Variants in SMYD5 observed in about 807,000 individuals in gnomAD.
The protein encoded by SMYD5 is SMYD family member 5, also known as protein-lysine N-trimethyltransferase SMYD5.
A neutral mutation model predicts 57.4 loss-of-function variants in SMYD5; 35 were observed. The observed-to-expected ratio is 0.61, with a 90% CI of 0.47 to 0.81. The LOEUF (loss-of-function observed/expected upper bound fraction) is 0.81. Among genes scored for constraint, SMYD5 ranks in the 30% least tolerant of loss-of-function variants. The probability of loss-of-function intolerance (pLI) is 0.00; values close to 1 mark genes in which losing one functional copy is unlikely to be tolerated. For missense variants in SMYD5, 471 were observed against 527.9 expected, an observed-to-expected ratio of 0.89 and a Z score of 1.06; for synonymous variants, 198 against 189.7, an observed-to-expected ratio of 1.04 and a Z score of -0.36.
chr2:73,220,188 CA>C lies in SMYD5; in HGVS notation c.345del (p.Val116Ter). 1 of 1,613,990 alleles carries C rather than the reference CA, an allele frequency of 6.2e-7. No individual in the cohort carries two copies. The highest frequency in any genetic ancestry group is 8.5e-7 in the Non-Finnish European group (1 of 1,179,906). On this transcript the variant is annotated frameshift_variant and splice_region_variant, in exon 3 of 13. Coordinates refer to ENST00000389501, the MANE Select transcript of SMYD5 (RefSeq NM_006062.3). LOFTEE classifies it high-confidence loss of function. ...KDLHQNCPHC[Q>X]VMYCSAECRL... ...CCTCCACCAGAACTGTCCCCATTGC[CA>C]AGTGAGTATTCTTGGGGAGTGTACC... is the stretch of plus-strand genomic sequence containing the variant.
rs62149563 is a variant in SMYD5, at chr2:73,223,944, C to A, written c.884-3C>A. 3 of 1,613,684 alleles carry A rather than the reference C, an allele frequency of 1.9e-6. No homozygotes were observed. Among genetic ancestry groups the A allele is most frequent in the Non-Finnish European group, 2.5e-6 (3 of 1,179,582 alleles). ...ATAATGTGTGTGTATTACTGTCTTA[C>A]AGCAACTGGAGAGTTTCTTAACTGT... is the stretch of plus-strand genomic sequence containing the variant. On this transcript the variant is annotated splice_polypyrimidine_tract_variant and splice_region_variant and intron_variant, in intron 9 of 12. Transcript: ENST00000389501.
intron 8 of SMYD5, 144 bp downstream of exon 8, chr2:73,223,250 G>A (rs947692727): frequency 7.1e-6 from 6 of 848,490 alleles, no homozygotes; most frequent in South Asian, 4.4e-5. Context: ...GAATCAGAAT[G>A]AGGCATTGGA....
At position 73,225,517 on chromosome 2, in the gene SMYD5, G is replaced by A. The variant is rs3764991; in HGVS notation, c.1036-114G>A. The A allele has an allele frequency of 1.1e-4, 102 of 970,104 alleles. 1 individual carries two copies. The East Asian group carries it at 2.3e-3, about 22-fold the overall frequency. The allele number at this position is 970,104 out of a possible 1,614,324, so 60.1% of individuals were successfully genotyped here. The stretch of plus-strand genomic sequence containing the variant: ...GCCAGCCCCTTCACTGAAGGGCAAC[G>A]CAAACTTGGCTCCTAGAGATGGGGC... On this transcript the variant is annotated intron_variant, in intron 11 of 12. Transcript: ENST00000389501.
Position 73,218,989 on chromosome 2 carries a change from T to G in SMYD5, c.205+20T>G, listed in dbSNP as rs1456545395. The G allele has an allele frequency of 2.6e-6, 4 of 1,543,970 alleles. No individual in the cohort carries two copies. In the East Asian group the frequency reaches 9.0e-5, roughly 35 times the overall value. On this transcript the variant is annotated intron_variant, in intron 2 of 12. Coordinates refer to ENST00000389501, the MANE Select transcript of SMYD5 (RefSeq NM_006062.3). ...ACCGAGGTGAGTACATCTCTCCTAC[T>G]CCTCATGGCCCAGTCGTCTTTGTGC...
chr2:73,214,773 A>G, intron 1 of SMYD5: 1 of 1,315,052 alleles, frequency 7.6e-7, no homozygotes, highest in Non-Finnish European at 1.0e-6. Context: ...GAGAGAGGCC[A>G]AGATCCTTCA....
rs1008210406 is a variant in SMYD5 at position 73,226,268 on chromosome 2, G to A, written c.*322G>A. 1.5e-5 allele frequency: 5 copies of A among 337,738 alleles called. No individual in the cohort carries two copies. The highest frequency in any genetic ancestry group is 4.4e-5 in the Admixed American group (1 of 22,672). The allele number at this position is 337,738 out of a possible 1,614,324, so 20.9% of individuals were successfully genotyped here. A position where few individuals can be genotyped will look rare whatever the true frequency, so the allele number is the denominator to read the frequency against. ...GGGCCTAACAGTGTTTCTTCCCCTCGGCCCCACGGCCCATACTCACCCCTT... is the reference window on the plus strand; with the variant it reads ...GGGCCTAACAGTGTTTCTTCCCCTCAGCCCCACGGCCCATACTCACCCCTT... On this transcript the variant is annotated 3_prime_UTR_variant, in exon 13 of 13. Coordinates refer to ENST00000389501, the MANE Select transcript of SMYD5 (RefSeq NM_006062.3).
chr2:73,226,141 T>C lies in SMYD5; in HGVS notation c.*195T>C, dbSNP rs1052751593. 6.8e-6 allele frequency: 5 copies of C among 730,034 alleles called. No individual in the cohort carries two copies. The highest frequency in any genetic ancestry group is 8.7e-6 in the Non-Finnish European group (4 of 458,630). 45.2% of individuals were successfully genotyped at this position (730,034 alleles called of 1,614,324 possible). On this transcript the variant is annotated 3_prime_UTR_variant, in exon 13 of 13. Coordinates refer to ENST00000389501, the MANE Select transcript of SMYD5 (RefSeq NM_006062.3). ...CCAGACCTCATGCCCTGGACACTGCTGCTGAGTTGGCTCAGACTCTGCACT... is the reference window on the plus strand; with the variant it reads ...CCAGACCTCATGCCCTGGACACTGCCGCTGAGTTGGCTCAGACTCTGCACT...
intron 1 of SMYD5, chr2:73,214,630 CG>C: frequency 1.3e-6 from 2 of 1,501,032 alleles, no homozygotes; most frequent in Non-Finnish European, 1.8e-6. Context: ...TGTGGCTGCT[CG>C]GGGCGGGGCT....
chr2:73,225,343 C>G (rs1288920917), intron 11 of SMYD5: 1 of 536,190 alleles, frequency 1.9e-6, no homozygotes, highest in African/African-American at 1.9e-5. Context: ...TAGCATCATA[C>G]CAAGACCTCT....
chr2:73,221,326 A>AG, intron 5 of SMYD5, 92 bp downstream of exon 5: 1 of 1,036,202 alleles, frequency 9.7e-7, no homozygotes, highest in Middle Eastern at 2.7e-4. Context: ...CCTAGCTTGG[A>AG]TGCAGAGTTC....
intron 5 of SMYD5, 25 bp from the exon 6 acceptor site, chr2:73,221,801 C>T (rs774527174): frequency 6.5e-7 from 1 of 1,544,494 alleles, no homozygotes; most frequent in Non-Finnish European, 9.0e-7. Flanking sequence ...TATCTGTGAC[C>T]CTTAAGTATG....
In SMYD5 at chr2:73,217,804, C is replaced by T. The variant is rs917671295; in HGVS notation, c.97-1057C>T. On this transcript the variant is annotated intron_variant, in intron 1 of 12. Coordinates refer to ENST00000389501, the MANE Select transcript of SMYD5 (RefSeq NM_006062.3). The stretch of plus-strand genomic sequence containing the variant: ...AGCTCAGTGTTGACAGGGCTCCACA[C>T]GTCTTCTTTGAGTAGTGGGAGTATG... Among the ~76,000 whole-genome samples, 8 of 152,296 alleles carry T rather than the reference C, an allele frequency of 5.3e-5. No individual in the cohort carries two copies. The South Asian group carries it at 1.0e-3, about 20-fold the overall frequency.
At chr2:73,225,063 T>C in intron 11 of SMYD5, 103 bp downstream of exon 11, 1 of 807,542 alleles carries the variant, frequency 1.2e-6, no homozygotes, top group Non-Finnish European at 2.0e-6. Context: ...AAGTTCAGGC[T>C]GTTGGGTGGA....
At chr2:73,218,072 G>T (rs1686320969) in intron 1 of SMYD5, among the ~76,000 whole-genome samples, 1 of 152,242 alleles carries the variant, frequency 6.6e-6, no homozygotes, top group African/African-American at 2.4e-5. Flanking sequence ...TTCTGACAGA[G>T]TCCTAGGTGA....
At chr2:73,225,049 C>A in intron 11 of SMYD5, 89 bp downstream of exon 11, 2 of 950,272 alleles carry the variant, frequency 2.1e-6, no homozygotes, top group East Asian at 2.5e-5. Context: ...GCTAGAGCAC[C>A]TTGAAGTTCA....
chr2:73,214,716 G>C (rs774280425), intron 1 of SMYD5: 2 of 1,358,208 alleles, frequency 1.5e-6, no homozygotes, highest in Admixed American at 4.4e-5. Flanking sequence ...GTGTAAAAGA[G>C]GGAGTCCTCA....
intron 1 of SMYD5, among the ~76,000 whole-genome samples, chr2:73,215,428 C>T (rs1439264789): frequency 6.6e-6 from 1 of 152,160 alleles, no homozygotes. Context: ...AGTTTTCCAG[C>T]TCAACCTTCC....
chr2:73,214,549 G>C lies in SMYD5; in HGVS notation c.96+187G>C. Reference sequence around the variant, plus strand: ...AGGCTCGTGGCGCGGTCACGCGATAGACCCGGGCCTCCGGAGTCTCCGTGC... The same window carrying C: ...AGGCTCGTGGCGCGGTCACGCGATACACCCGGGCCTCCGGAGTCTCCGTGC... On this transcript the variant is annotated intron_variant, in intron 1 of 12. Coordinates refer to ENST00000389501, the MANE Select transcript of SMYD5 (RefSeq NM_006062.3). The C allele has an allele frequency of 2.7e-6, 4 of 1,484,214 alleles. No individual in the cohort carries two copies. The Admixed American group carries it at 6.8e-5, about 25-fold the overall frequency. The allele number at this position is 1,484,214 out of a possible 1,614,324, so 91.9% of individuals were successfully genotyped here. A position where few individuals can be genotyped will look rare whatever the true frequency, so the allele number is the denominator to read the frequency against.
chr2:73,223,126 A>G lies in SMYD5; in HGVS notation c.776+20A>G. ...GACCAGGTTAGAATGTTCCAGAGCT[A>G]TTGAAGTTACTCTCAGGGGTGGGAA... On this transcript the variant is annotated intron_variant, in intron 8 of 12. Transcript: ENST00000389501. 6.2e-7 allele frequency: 1 copy of G among 1,606,360 alleles called. No individual in the cohort carries two copies. The highest frequency in any genetic ancestry group is 1.3e-5 in the African/African-American group (1 of 74,880).
Sources: allele counts gnomAD v4.1 joint callset (sites outside exome capture counted in the v4.1 genomes callset), GRCh38; gene constraint gnomAD v4.1.1; transcripts MANE v1.5; gene names NCBI Gene and HGNC (gene_info 2026-07-23, HGNC 2026-07-21).